Variants in MED15 observed in about 807,000 individuals in gnomAD.
The protein encoded by MED15 is mediator of RNA polymerase II transcription subunit 15.
A neutral mutation model predicts 118.7 loss-of-function variants in MED15; 41 were observed. The ratio of observed to expected loss-of-function variants is 0.35; its 90% confidence interval spans 0.27 to 0.45. MED15 has a LOEUF of 0.45. Among genes scored for constraint, MED15 ranks in the 20% least tolerant of loss-of-function variants. The pLI is 1.00. For synonymous variants in MED15, 436 were observed against 413.9 expected (o/e 1.05, Z -0.65); for missense variants, 740 against 1,025.5 (o/e 0.72, Z 3.80).
chr22:20,538,489 A>G (rs1157248739), intron 2 of MED15, among the ~76,000 whole-genome samples: 4 of 152,074 alleles, frequency 2.6e-5, no homozygotes, highest in African/African-American at 7.2e-5. Context: ...ATCTCAAGCT[A>G]TCCCCACGCC....
chr22:20,575,187 C>T lies in MED15; in HGVS notation c.1227C>T (p.Ala409=), dbSNP rs1352404401. ...TCCCGCCTACCACCGCTGTGTCCGC[C>T]ATCCCGTCAAGCTCCATCCCTTTGG... The part of the protein sequence containing the change: ...ARFPPTTAVS[A]IPSSSIPLGR... Residue 409 remains alanine (A), a synonymous_variant, in exon 9 of 18, where the codon GCC becomes GCT. Coordinates refer to ENST00000263205, the MANE Select transcript of MED15 (RefSeq NM_001003891.3). The T allele has an allele frequency of 4.3e-6, 7 of 1,614,072 alleles. No homozygotes were observed. The highest frequency in any genetic ancestry group is 5.1e-6 in the Non-Finnish European group (6 of 1,180,050).
rs768373703 is a variant in MED15, at chr22:20,507,677, G to T, written c.-2G>T. ...ACGGGCGGCGGGAGCTGGGGAACAG[G>T]CATGGACGTTTCCGGGCAAGAGACC... On this transcript the variant is annotated 5_prime_UTR_variant, in exon 1 of 18. Transcript: ENST00000263205. 3.5e-5 allele frequency: 57 copies of T among 1,614,058 alleles called. No individual in the cohort carries two copies. Among genetic ancestry groups the T allele is most frequent in the East Asian group, 4.5e-5 (2 of 44,890 alleles).
At chr22:20,585,369 C>G in intron 16 of MED15, 102 bp downstream of exon 16, 1 of 1,442,408 alleles carries the variant, frequency 6.9e-7, no homozygotes, top group African/African-American at 1.4e-5. Context: ...CAGAACCCAC[C>G]CTGTGTTCAC....
chr22:20,575,272 G>A (rs775591898), intron 9 of MED15, 40 bp downstream of exon 9: 18 of 1,605,188 alleles, frequency 1.1e-5, no homozygotes, highest in South Asian at 7.7e-5. Flanking sequence ...CTGGGAGCTC[G>A]GGGCGTCCTC....
intron 4 of MED15, 82 bp from the exon 5 acceptor site, chr22:20,554,854 G>T (rs1367042442): frequency 1.5e-6 from 2 of 1,359,380 alleles, no homozygotes; most frequent in African/African-American, 2.9e-5. Flanking sequence ...CGAGATCTGT[G>T]CTCTGTGAGC....
intron 9 of MED15, among the ~76,000 whole-genome samples, chr22:20,578,686 A>AC (rs2146654998): frequency 6.6e-6 from 1 of 152,346 alleles, no homozygotes; most frequent in South Asian, 2.1e-4. Context: ...CAGGGGCCAG[A>AC]ACCTGCTGTC....
At chr22:20,523,551 C>A in intron 1 of MED15, 2 of 556,014 alleles carry the variant, frequency 3.6e-6, no homozygotes, top group Non-Finnish European at 4.6e-6. Context: ...TACTTGAGTG[C>A]AGATCTCTAA....
intron 1 of MED15, among the ~76,000 whole-genome samples, chr22:20,516,704 T>A (rs1408024387): frequency 6.6e-6 from 1 of 152,172 alleles, no homozygotes; most frequent in Non-Finnish European, 1.5e-5. Context: ...GCCACTATCA[T>A]GGCAGGGCTG....
chr22:20,534,973 A>C (rs1024899601), intron 1 of MED15, among the ~76,000 whole-genome samples: 6 of 152,082 alleles, frequency 3.9e-5, no homozygotes, highest in Non-Finnish European at 8.8e-5. Context: ...AGGAACTCCA[A>C]GAGTGCAGGA....
intron 1 of MED15, among the ~76,000 whole-genome samples, chr22:20,517,100 C>CT (rs1376674422): frequency 6.7e-6 from 1 of 149,122 alleles, no homozygotes; most frequent in Admixed American, 6.7e-5. Context: ...GGCTAATTTT[C>CT]TTATTTTTTT....
chr22:20,533,354 G>T (rs550629979), intron 1 of MED15, among the ~76,000 whole-genome samples: 7 of 152,322 alleles, frequency 4.6e-5, no homozygotes, highest in African/African-American at 1.7e-4. Flanking sequence ...CAGAGTTCCT[G>T]GGTTCTTTTT....
Position 20,549,528 on chromosome 22 carries a change from G to A in MED15, c.157-1908G>A, listed in dbSNP as rs192983540. On this transcript the variant is annotated intron_variant, in intron 2 of 17. Transcript: ENST00000263205. Reference sequence around the variant, plus strand: ...CCCAGCCAGGGGGATCAGAGGCGCAGTTTCAGATCCAGGGCTTTCTCCCCT... The same window carrying A: ...CCCAGCCAGGGGGATCAGAGGCGCAATTTCAGATCCAGGGCTTTCTCCCCT... 5.3e-5 allele frequency among the ~76,000 whole-genome samples: 8 copies of A among 152,264 alleles called. No homozygotes were observed. In the East Asian group the frequency reaches 1.5e-3, roughly 29 times the overall value.
At chr22:20,564,827 C>A (rs2056377296) in intron 6 of MED15, 139 bp downstream of exon 6, 2 of 1,424,758 alleles carry the variant, frequency 1.4e-6, no homozygotes, top group Non-Finnish European at 1.9e-6. Flanking sequence ...TTTCCATGGG[C>A]TTCTCAAAAA....
intron 9 of MED15, chr22:20,582,086 G>A (rs1016440739): frequency 5.8e-6 from 1 of 171,008 alleles, no homozygotes; most frequent in African/African-American, 2.4e-5. Context: ...CCTGGGACCA[G>A]CCCTGCAGCA....
intron 5 of MED15, among the ~76,000 whole-genome samples, chr22:20,559,588 A>G (rs2056152983): frequency 6.6e-6 from 1 of 152,252 alleles, no homozygotes; most frequent in Admixed American, 6.5e-5. Context: ...GCAGAGCACC[A>G]AAGGCCAGAG....
intron 8 of MED15, among the ~76,000 whole-genome samples, 164 bp downstream of exon 8, chr22:20,568,795 C>G (rs2056535977): frequency 6.6e-6 from 1 of 152,136 alleles, no homozygotes; most frequent in Non-Finnish European, 1.5e-5. Context: ...CCCTGGAGTC[C>G]TTGGGGTGGG....
At chr22:20,525,080 G>A (rs1447273633) in intron 1 of MED15, among the ~76,000 whole-genome samples, 3 of 152,198 alleles carry the variant, frequency 2.0e-5, no homozygotes, top group East Asian at 3.9e-4. Context: ...TGGGAGAATC[G>A]CTTGATGCCA....
At chr22:20,531,202 T>G (rs1216189347) in intron 1 of MED15, among the ~76,000 whole-genome samples, 1 of 152,082 alleles carries the variant, frequency 6.6e-6, no homozygotes, top group East Asian at 1.9e-4. Flanking sequence ...TTTGCCAGTT[T>G]TTTGCTTTAT....
chr22:20,547,704 C>CA (rs2055602680), intron 2 of MED15, among the ~76,000 whole-genome samples: 1 of 152,178 alleles, frequency 6.6e-6, no homozygotes, highest in Non-Finnish European at 1.5e-5. Context: ...CCTGTAGTGC[C>CA]AGCTACTTGG....
Sources: gnomAD v4.1 joint callset for allele counts (sites outside exome capture counted in the v4.1 genomes callset) on GRCh38, gnomAD v4.1.1 for gene constraint, MANE v1.5 for transcripts, NCBI Gene and HGNC (gene_info 2026-07-23, HGNC 2026-07-21) for gene names.